NCKAP1: variants seen among roughly 807,000 people sequenced by gnomAD.
NCKAP1 encodes nck-associated protein 1.
A neutral mutation model predicts 151.2 loss-of-function variants in NCKAP1; 21 were observed. The ratio of observed to expected loss-of-function variants is 0.14; its 90% CI spans 0.10 to 0.20. The LOEUF (loss-of-function observed/expected upper bound fraction) is 0.20, where lower values mean the gene tolerates loss of function less well. Among genes scored for constraint, NCKAP1 ranks in the 10% least tolerant of loss-of-function variants. The pLI is 1.00. For missense variants in NCKAP1, 933 were observed against 1,352.1 expected (o/e 0.69, Z 4.86); for synonymous variants, 484 against 451.8 (o/e 1.07, Z -0.90).
chr2:182,968,120 A>G (rs1258132173), intron 15 of NCKAP1, among the ~76,000 whole-genome samples: 1 of 152,240 alleles, frequency 6.6e-6, no homozygotes, highest in African/African-American at 2.4e-5. Flanking sequence ...CCTGTATACC[A>G]CGTTAAAGAA....
rs181531159 is a variant in NCKAP1, at chr2:182,980,091, A to G, written c.1341+1153T>C. Reference sequence around the variant, plus strand: ...TTTACTTTTTAAACTGTATGCTAGTATGAATAAATAATAAACAGTAACAAA... The same window carrying G: ...TTTACTTTTTAAACTGTATGCTAGTGTGAATAAATAATAAACAGTAACAAA... On this transcript the variant is annotated intron_variant, in intron 13 of 30. Coordinates refer to ENST00000361354, the MANE Select transcript of NCKAP1 (RefSeq NM_013436.5). Among the ~76,000 whole-genome samples the G allele has an allele frequency of 8.7e-3, 1,329 of 152,222 alleles. 11 individuals carry two copies. Among genetic ancestry groups the G allele is most frequent in the Non-Finnish European group, 0.014 (938 of 67,944 alleles).
chr2:183,014,408 A>C (rs1158822765), intron 2 of NCKAP1, among the ~76,000 whole-genome samples: 1 of 152,170 alleles, frequency 6.6e-6, no homozygotes, highest in Admixed American at 6.5e-5. Context: ...TCGAGGCAAA[A>C]GAAACATGGC....
chr2:182,975,744 A>AT (rs1020443369), intron 15 of NCKAP1, among the ~76,000 whole-genome samples: 1 of 151,432 alleles, frequency 6.6e-6, no homozygotes, highest in Admixed American at 6.6e-5. Context: ...AGTCTCTAAA[A>AT]TTTTTTTTTA....
intron 6 of NCKAP1, among the ~76,000 whole-genome samples, chr2:182,999,651 G>A (rs569145935): frequency 2.9e-4 from 44 of 152,260 alleles, no homozygotes; most frequent in African/African-American, 9.9e-4. Flanking sequence ...TCATTACTGG[G>A]TAGATGCTCA....
intron 18 of NCKAP1, among the ~76,000 whole-genome samples, chr2:182,961,952 T>C (rs1697462664): frequency 1.3e-5 from 2 of 152,292 alleles, no homozygotes; most frequent in Admixed American, 6.5e-5. Flanking sequence ...TGACTCCTGA[T>C]TAAAGAACAC....
At chr2:182,954,646 C>T (rs1411247362) in intron 20 of NCKAP1, among the ~76,000 whole-genome samples, 2 of 152,118 alleles carry the variant, frequency 1.3e-5, no homozygotes, top group Non-Finnish European at 2.9e-5. Flanking sequence ...ATTAACCAGG[C>T]ACAGTGGCAC....
intron 2 of NCKAP1, among the ~76,000 whole-genome samples, chr2:183,012,851 C>T (rs1212024160): frequency 6.6e-6 from 1 of 151,116 alleles, no homozygotes; most frequent in Non-Finnish European, 1.5e-5. Flanking sequence ...TCTCGAACTC[C>T]TGACCTCAAG....
chr2:182,974,391 A>AATT (rs1697763136), intron 15 of NCKAP1, among the ~76,000 whole-genome samples: 2 of 152,152 alleles, frequency 1.3e-5, no homozygotes, highest in African/African-American at 4.8e-5. Flanking sequence ...CCTAAATCCT[A>AATT]ACCCCCAGTA....
chr2:182,983,905 C>T (rs1697993699), intron 10 of NCKAP1, among the ~76,000 whole-genome samples: 1 of 151,962 alleles, frequency 6.6e-6, no homozygotes, highest in Non-Finnish European at 1.5e-5. Context: ...GTGGTGGGTG[C>T]CTGTAATCCC....
chr2:182,962,614 T>A lies in NCKAP1; in HGVS notation c.1762-336A>T, dbSNP rs562348703. Among the ~76,000 whole-genome samples, 33 of 152,296 alleles carry A rather than the reference T, an allele frequency of 2.2e-4. No individual in the cohort carries two copies. The East Asian group carries it at 6.0e-3, about 28-fold the overall frequency. On this transcript the variant is annotated intron_variant, in intron 17 of 30. Transcript: ENST00000361354. ...CTTAAATGTTAAAATATTAAACATA[T>A]AATGTGAAAGCAAACAGATTTAGAG...
chr2:182,994,819 C>G lies in NCKAP1; in HGVS notation c.790+20G>C. Reference sequence around the variant, plus strand: ...CATAAAGCCTGGGGAGTAATCATAACACTAACCCATTTTACTTACAGATAA... The same window carrying G: ...CATAAAGCCTGGGGAGTAATCATAAGACTAACCCATTTTACTTACAGATAA... On this transcript the variant is annotated intron_variant, in intron 8 of 30. Coordinates refer to ENST00000361354, the MANE Select transcript of NCKAP1 (RefSeq NM_013436.5). 6.3e-7 allele frequency: 1 copy of G among 1,583,708 alleles called. No homozygotes were observed. The highest frequency in any genetic ancestry group is 8.7e-7 in the Non-Finnish European group (1 of 1,152,788).
chr2:183,000,558 T>G lies in NCKAP1; in HGVS notation c.603+1395A>C, dbSNP rs1220470617. Among the ~76,000 whole-genome samples, 3 of 152,252 alleles carry G rather than the reference T, an allele frequency of 2.0e-5. No individual in the cohort carries two copies. In the East Asian group the frequency reaches 5.8e-4, roughly 29 times the overall value. On this transcript the variant is annotated intron_variant, in intron 6 of 30. Transcript: ENST00000361354. ...TGATATTAGAGATAGGAGATGACCA[T>G]GATATGTGCAGTATTTTGAGGAATT...
At chr2:182,984,205 A>G (rs2105856261) in intron 10 of NCKAP1, among the ~76,000 whole-genome samples, 1 of 152,274 alleles carries the variant, frequency 6.6e-6, no homozygotes, top group Admixed American at 6.5e-5. Flanking sequence ...CAATAAAGGT[A>G]TTGGGATGAG....
chr2:182,927,054 C>A (rs1696663019), intron 29 of NCKAP1, 149 bp from the exon 30 acceptor site: 1 of 536,024 alleles, frequency 1.9e-6, no homozygotes, highest in African/African-American at 2.0e-5. Context: ...GCTTAGATAG[C>A]CTACATTCAA....
At chr2:182,956,893 CTGTTA>C (rs1343206657) in intron 19 of NCKAP1, 1 of 208,606 alleles carries the variant, frequency 4.8e-6, no homozygotes, top group Admixed American at 6.0e-5. Flanking sequence ...GAAGTACTTT[CTGTTA>C]TGAGAGAAGG....
intron 13 of NCKAP1, among the ~76,000 whole-genome samples, chr2:182,979,616 T>C (rs1472401139): frequency 1.3e-5 from 2 of 152,058 alleles, no homozygotes; most frequent in Admixed American, 1.3e-4. Flanking sequence ...TACATATATT[T>C]TACCACAATA....
At chr2:182,931,051 A>T (rs1405592246) in intron 26 of NCKAP1, among the ~76,000 whole-genome samples, 1 of 152,154 alleles carries the variant, frequency 6.6e-6, no homozygotes, top group African/African-American at 2.4e-5. Context: ...GGATAATTCT[A>T]AAGTTATCAC....
intron 16 of NCKAP1, 125 bp downstream of exon 16, chr2:182,967,091 T>C: frequency 1.2e-6 from 1 of 829,084 alleles, no homozygotes; most frequent in Non-Finnish European, 1.8e-6. Context: ...AGTCCACTAT[T>C]CCCTTTATTC....
At chr2:183,018,066 T>C (rs1459676992) in intron 2 of NCKAP1, among the ~76,000 whole-genome samples, 1 of 151,986 alleles carries the variant, frequency 6.6e-6, no homozygotes, top group East Asian at 1.9e-4. Context: ...CTGGCCAGCA[T>C]GGTGAAACCC....
Sources: allele counts gnomAD v4.1 joint callset (sites outside exome capture counted in the v4.1 genomes callset), GRCh38; gene constraint gnomAD v4.1.1; transcripts MANE v1.5; gene names NCBI Gene and HGNC (gene_info 2026-07-23, HGNC 2026-07-21).